Variants in STRIP1 observed in about 807,000 individuals in gnomAD.
The protein encoded by STRIP1 is striatin-interacting protein 1.
STRIP1 carries 63 observed loss-of-function variants against 106.2 expected under a neutral mutation model. The ratio of observed to expected loss-of-function variants is 0.59; its 90% CI spans 0.48 to 0.73. The LOEUF (loss-of-function observed/expected upper bound fraction) is 0.73. STRIP1 is among the 30% of genes least tolerant of loss of function. STRIP1 has a pLI of 0.00. For missense variants in STRIP1, 857 were observed against 1,074.8 expected (o/e 0.80, Z 2.83); for synonymous variants, 390 against 413.0 (o/e 0.94, Z 0.67).
chr1:110,036,961 C>G (rs768502875), intron 1 of STRIP1, among the ~76,000 whole-genome samples: 29 of 152,102 alleles, frequency 1.9e-4, no homozygotes, highest in Non-Finnish European at 3.1e-4. Context: ...GTAGCTGGGA[C>G]TACAGGCACG....
In STRIP1 at chr1:110,040,638, C is replaced by T. The variant is rs761906148; in HGVS notation, c.585C>T (p.Asn195=). The T allele has an allele frequency of 1.9e-6, 3 of 1,611,184 alleles. No individual in the cohort carries two copies. Among genetic ancestry groups the T allele is most frequent in the Admixed American group, 1.7e-5 (1 of 59,694 alleles). ...LVELLNMEID[N]SAACSSAVRK... is the part of the protein sequence containing the mutation. ...TGACTCTCAAAATCTCCTGCAGCAACAGTGCCGCCTGCAGCAGTGCTGTGA... is the reference window on the plus strand; with the variant it reads ...TGACTCTCAAAATCTCCTGCAGCAATAGTGCCGCCTGCAGCAGTGCTGTGA... Residue 195 remains asparagine (N), a synonymous_variant, in exon 6 of 21, where the codon AAC becomes AAT. Transcript: ENST00000369795.
At chr1:110,039,568 G>A (rs1199354881) in intron 5 of STRIP1, 53 bp downstream of exon 5, 3 of 1,557,544 alleles carry the variant, frequency 1.9e-6, no homozygotes, top group African/African-American at 2.7e-5. Context: ...ATGGGAAGGG[G>A]GACAGAGCTT....
upstream of STRIP1, chr1:110,031,758 T>G (rs1652195304): frequency 1.3e-5 from 2 of 152,234 alleles, no homozygotes; most frequent in African/African-American, 2.4e-5. Flanking sequence ...TCCTAGCAAG[T>G]TAGAGTAGTG....
At chr1:110,047,488 C>T (rs2101780442) in intron 13 of STRIP1, 54 bp from the exon 14 acceptor site, 2 of 1,460,142 alleles carry the variant, frequency 1.4e-6, no homozygotes, top group Non-Finnish European at 1.9e-6. Flanking sequence ...GAAGCTGGCT[C>T]AGGAGATTGT....
chr1:110,050,003 G>T (rs866532596), intron 17 of STRIP1: 9 of 377,810 alleles, frequency 2.4e-5, no homozygotes, highest in Non-Finnish European at 4.4e-5. Flanking sequence ...CAGGGCGCCG[G>T]CCAGACCCTG....
At chr1:110,043,542 C>CT in intron 9 of STRIP1, 97 bp from the exon 10 acceptor site, 7 of 1,129,258 alleles carry the variant, frequency 6.2e-6, no homozygotes, top group Non-Finnish European at 9.1e-6. Flanking sequence ...GTTCTTGCCT[C>CT]TACTGGACAC....
At chr1:110,036,314 G>T (rs931882091) in intron 1 of STRIP1, among the ~76,000 whole-genome samples, 1 of 152,216 alleles carries the variant, frequency 6.6e-6, no homozygotes, top group Admixed American at 6.5e-5. Context: ...TTAGCCGGGC[G>T]TGGTGGCTGG....
chr1:110,034,533 G>A (rs980439651), upstream of STRIP1: 4 of 1,363,598 alleles, frequency 2.9e-6, no homozygotes, highest in African/African-American at 4.6e-5. Context: ...AACACTGGCC[G>A]CCACACTTAA....
Position 110,038,812 on chromosome 1 carries a change from A to G in STRIP1, c.325+55A>G, listed in dbSNP as rs1246958003. On this transcript the variant is annotated intron_variant, in intron 3 of 20. Coordinates refer to ENST00000369795, the MANE Select transcript of STRIP1 (RefSeq NM_033088.4). ...CTTTGCCCTGCATAACGAGAGCTGCAGGTTTCTTTTAGGCATCTGAATGAC... is the reference window on the plus strand; with the variant it reads ...CTTTGCCCTGCATAACGAGAGCTGCGGGTTTCTTTTAGGCATCTGAATGAC... 3.9e-6 allele frequency: 6 copies of G among 1,540,828 alleles called. No homozygotes were observed. The East Asian group carries it at 1.1e-4, about 29-fold the overall frequency.
At chr1:110,040,831 G>T (rs1458847971) in intron 6 of STRIP1, 128 bp downstream of exon 6, 9 of 749,550 alleles carry the variant, frequency 1.2e-5, no homozygotes, top group South Asian at 4.1e-5. Flanking sequence ...ATGTGTGATG[G>T]GCTCAGTGTG....
chr1:110,044,796 G>T, intron 10 of STRIP1, 44 bp from the exon 11 acceptor site: 1 of 1,598,910 alleles, frequency 6.3e-7, no homozygotes, highest in Non-Finnish European at 8.6e-7. Flanking sequence ...AATAGCATTT[G>T]CTAAAAACCT....
Position 110,043,231 on chromosome 1 carries a change from G to C in STRIP1, c.1029G>C (p.Leu343Phe), listed in dbSNP as rs777594375. Residue 343 changes from leucine (L) to phenylalanine (F), a missense_variant, in exon 9 of 21, where the codon TTG (leucine) becomes TTC (phenylalanine). Physicochemically the swap from Leu to Phe is conservative, Grantham distance 22. Around this residue, in one of 2 missense-constraint regions of STRIP1, gnomAD observed 750 missense variants for 989.8 expected, o/e 0.76. Coordinates refer to ENST00000369795, the MANE Select transcript of STRIP1 (RefSeq NM_033088.4). ...CTCCACCAGCATCTGCTTCAGACTT[G>C]ATTGAGCAGCAGCAGAAACGGGGCC... ...AASPPASASD[L>F]IEQQQKRGRR... is the part of the protein sequence containing the mutation. The C allele has an allele frequency of 2.5e-6, 4 of 1,613,494 alleles. No individual in the cohort carries two copies. The highest frequency in any genetic ancestry group is 3.4e-6 in the Non-Finnish European group (4 of 1,180,036).
chr1:110,053,175 C>G (rs1653383481), intron 20 of STRIP1, among the ~76,000 whole-genome samples: 2 of 152,220 alleles, frequency 1.3e-5, no homozygotes, highest in Admixed American at 1.3e-4. Flanking sequence ...CAGTGTGTCT[C>G]CCCTGCCCAC....
At position 110,053,721 on chromosome 1, in the gene STRIP1, A is replaced by G. The variant is rs984716933; in HGVS notation, c.2323A>G (p.Ile775Val). The change falls in exon 21 of 21, where the codon ATT becomes GTT. Residue 775 changes from isoleucine (I) to valine (V), a missense_variant. Ile to Val is a conservative substitution (Grantham distance 29, BLOSUM62 3). This residue lies in a region of STRIP1 where 750 missense variants were observed against 989.8 expected (regional missense o/e 0.76). Coordinates refer to ENST00000369795, the MANE Select transcript of STRIP1 (RefSeq NM_033088.4). ...QAEECALRAN[I>V]ERFNARRYDR... ...AGAGGAGTGTGCCCTTCGTGCCAAC[A>G]TTGAACGCTTCAACGCCCGGCGCTA... The G allele has an allele frequency of 5.0e-6, 8 of 1,613,880 alleles. No homozygotes were observed. The African/African-American group carries it at 8.0e-5, about 16-fold the overall frequency.
In STRIP1 at chr1:110,049,422, G is replaced by C. The variant is rs199778125; in HGVS notation, c.1789-38G>C. 3 of 1,433,106 alleles carry C rather than the reference G, an allele frequency of 2.1e-6. No homozygotes were observed. In the Admixed American group the frequency reaches 5.6e-5, roughly 27 times the overall value. 88.8% of individuals were successfully genotyped at this position (1,433,106 alleles called of 1,614,324 possible). ...GAAAGAGGGCAAGGTCCCAAGGGCC[G>C]CGCCTTTTTTTTTTTTTTTTTTTCC... On this transcript the variant is annotated intron_variant, in intron 16 of 20. Transcript: ENST00000369795.
At chr1:110,037,257 T>C (rs537654024) in intron 1 of STRIP1, among the ~76,000 whole-genome samples, 4 of 152,384 alleles carry the variant, frequency 2.6e-5, no homozygotes, top group Admixed American at 1.3e-4. Context: ...GCTTCCAAGA[T>C]GGTGTGTTCT....
intron 17 of STRIP1, chr1:110,049,991 C>A (rs1570928301): frequency 8.2e-6 from 3 of 365,862 alleles, no homozygotes; most frequent in Non-Finnish European, 1.5e-5. Flanking sequence ...TGTGATATAC[C>A]ACAGGGCGCC....
chr1:110,039,705 C>A, intron 5 of STRIP1, 190 bp downstream of exon 5: 1 of 969,888 alleles, frequency 1.0e-6, no homozygotes, highest in Non-Finnish European at 1.5e-6. Context: ...AGACTAATGA[C>A]AGGTCCCTGC....
intron 17 of STRIP1, 172 bp from the exon 18 acceptor site, chr1:110,050,171 G>T: frequency 1.6e-6 from 1 of 619,546 alleles, no homozygotes. Context: ...TCTTGTAACA[G>T]ATATTTCCTC....
Sources: allele counts gnomAD v4.1 joint callset (sites outside exome capture counted in the v4.1 genomes callset), GRCh38; gene constraint gnomAD v4.1.1; regional missense constraint gnomAD v4.1.1; transcripts MANE v1.5; gene names NCBI Gene and HGNC (gene_info 2026-07-23, HGNC 2026-07-21).